The following COL4A6 variants were observed in gnomAD, a reference collection of about 807,000 sequenced individuals.
COL4A6 encodes collagen type IV alpha 6 chain, also known as collagen alpha-6(IV) chain.
COL4A6 carries 59 observed loss-of-function variants against 126.7 expected under a neutral mutation model. That is an observed-to-expected ratio of 0.47 (90% CI 0.38 to 0.58). The LOEUF (loss-of-function observed/expected upper bound fraction) is 0.58, where lower values mean the gene tolerates loss of function less well. Among genes scored for constraint, COL4A6 ranks in the 20% least tolerant of loss-of-function variants. The pLI is 0.00. For synonymous variants in COL4A6, 547 were observed against 496.6 expected (o/e 1.10, Z -1.35); for missense variants, 1,285 against 1,337.3 (o/e 0.96, Z 0.61).
At chrX:108,397,105 CAAG>C (rs1163251234) in intron 2 of COL4A6, among the ~76,000 whole-genome samples, 2 of 111,664 alleles carry the variant, frequency 1.8e-5, no homozygotes, top group African/African-American at 3.3e-5. Flanking sequence ...ACTCTTCAAC[CAAG>C]AAGATTTTCT....
At chrX:108,223,722 A>C (rs751196261) in intron 3 of COL4A6, among the ~76,000 whole-genome samples, 2 of 111,452 alleles carry the variant, frequency 1.8e-5, no homozygotes, top group South Asian at 7.7e-4. Context: ...AGTCATCAAG[A>C]AGCATTCAGG....
intron 2 of COL4A6, among the ~76,000 whole-genome samples, chrX:108,372,171 C>T (rs2040344042): frequency 9.0e-6 from 1 of 111,160 alleles, no homozygotes; most frequent in Non-Finnish European, 1.9e-5. Flanking sequence ...CAAAGAATGG[C>T]CCCTCTTTTC....
At chrX:108,406,606 G>A (rs1385293765) in intron 2 of COL4A6, among the ~76,000 whole-genome samples, 2 of 111,775 alleles carry the variant, frequency 1.8e-5, no homozygotes, top group Non-Finnish European at 3.8e-5. Flanking sequence ...TTCTTGCCCT[G>A]TTTACTTTTT....
rs141512302 is a variant in COL4A6, at chrX:108,414,369, T to C, written c.63+23573A>G. Among the ~76,000 whole-genome samples the C allele has an allele frequency of 9.7e-3, 1,078 of 111,524 alleles. 14 individuals carry two copies. The highest frequency in any genetic ancestry group is 0.033 in the African/African-American group (1,027 of 30,683). On this transcript the variant is annotated intron_variant, in intron 2 of 44. Coordinates refer to ENST00000334504, the MANE Select transcript of COL4A6 (RefSeq NM_033641.4). Reference sequence around the variant, plus strand: ...TCCTTGGCTATGAACTGTTGAAACCTAAATCTCCCAATATGGTTGTATTTC... The same window carrying C: ...TCCTTGGCTATGAACTGTTGAAACCCAAATCTCCCAATATGGTTGTATTTC...
At position 108,162,870 on chromosome X, in the gene COL4A6, C is replaced by A. The variant is rs764732582; in HGVS notation, c.4216+22G>T. 3 of 1,131,844 alleles carry A rather than the reference C, an allele frequency of 2.7e-6. No individual in the cohort carries two copies. The East Asian group carries it at 1.0e-4, about 38-fold the overall frequency. The allele number at this position is 1,131,844 out of a possible 1,213,427, so 93.3% of individuals were successfully genotyped here. ...CTGTCTCAACTCCCCAACAAATCTCCTTTTTCTGGCACCCTCCTCACCTTG... is the reference window on the plus strand; with the variant it reads ...CTGTCTCAACTCCCCAACAAATCTCATTTTTCTGGCACCCTCCTCACCTTG... On this transcript the variant is annotated intron_variant, in intron 41 of 44. Coordinates refer to ENST00000334504, the MANE Select transcript of COL4A6 (RefSeq NM_033641.4).
chrX:108,278,154 C>T (rs763808385), intron 3 of COL4A6, among the ~76,000 whole-genome samples: 115 of 112,302 alleles, frequency 1.0e-3, no homozygotes, highest in Non-Finnish European at 1.7e-3. Context: ...ATGCCTTTGA[C>T]GAGTTGAGAG....
chrX:108,186,347 AG>A (rs1602750804), intron 23 of COL4A6, among the ~76,000 whole-genome samples: 2 of 111,962 alleles, frequency 1.8e-5, no homozygotes, highest in African/African-American at 3.2e-5. Context: ...AGAGTTTAGT[AG>A]CAATAAGAGA....
intron 2 of COL4A6, among the ~76,000 whole-genome samples, chrX:108,435,439 T>C (rs1454587297): frequency 8.9e-6 from 1 of 112,016 alleles, no homozygotes; most frequent in East Asian, 2.8e-4. Context: ...ATGACCACCA[T>C]TGTCTGAGAA....
chrX:108,194,405 T>C, intron 16 of COL4A6, 129 bp downstream of exon 16: 2 of 634,878 alleles, frequency 3.2e-6, no homozygotes, highest in Non-Finnish European at 4.9e-6. Context: ...GCAGATTACA[T>C]GCATTTCTTA....
intron 6 of COL4A6, 186 bp downstream of exon 6, chrX:108,213,926 C>T (rs762892299): frequency 1.2e-5 from 5 of 432,762 alleles, no homozygotes; most frequent in Non-Finnish European, 2.0e-5. Flanking sequence ...GTGCACACCC[C>T]ACTGCAACTG....
At chrX:108,389,450 A>G (rs1007094704) in intron 2 of COL4A6, among the ~76,000 whole-genome samples, 45 of 111,292 alleles carry the variant, frequency 4.0e-4, no homozygotes, top group African/African-American at 1.3e-3. Flanking sequence ...TTTTGCATTG[A>G]TCCCTTTACC....
rs147616585 is a variant in COL4A6, at chrX:108,271,803, G to C, written c.144+38945C>G. Among the ~76,000 whole-genome samples the C allele has an allele frequency of 8.0e-5, 9 of 112,164 alleles. No individual in the cohort carries two copies. The East Asian group carries it at 2.5e-3, about 31-fold the overall frequency. On this transcript the variant is annotated intron_variant, in intron 3 of 44. Coordinates refer to ENST00000334504, the MANE Select transcript of COL4A6 (RefSeq NM_033641.4). ...GGAAGTTCTCTCTTTTACAGTGAGG[G>C]AGAAAGAAGCAAACTACTTTTAACT...
chrX:108,398,079 G>A (rs187122693), intron 2 of COL4A6, among the ~76,000 whole-genome samples: 62 of 112,157 alleles, frequency 5.5e-4, no homozygotes, highest in African/African-American at 1.9e-3. Flanking sequence ...ACACAAAGCC[G>A]TGAGCAATAT....
chrX:108,385,989 A>G (rs1202694222), intron 2 of COL4A6, among the ~76,000 whole-genome samples: 4 of 109,034 alleles, frequency 3.7e-5, no homozygotes, highest in African/African-American at 1.3e-4. Flanking sequence ...TGTCCTTGTG[A>G]TAGTTTCCTC....
intron 2 of COL4A6, among the ~76,000 whole-genome samples, chrX:108,341,781 G>A (rs931189995): frequency 6.3e-5 from 7 of 111,416 alleles, no homozygotes; most frequent in Non-Finnish European, 1.1e-4. Context: ...TCTTTCATTT[G>A]AGAATTGTAC....
chrX:108,194,905 T>G (rs1569345546), intron 15 of COL4A6, among the ~76,000 whole-genome samples, 177 bp downstream of exon 15: 1 of 111,719 alleles, frequency 9.0e-6, no homozygotes, highest in African/African-American at 3.3e-5. Flanking sequence ...TGACACTGGA[T>G]ACCCATGTTC....
intron 2 of COL4A6, among the ~76,000 whole-genome samples, chrX:108,376,746 GCT>G (rs1448173924): frequency 8.9e-6 from 1 of 112,811 alleles, no homozygotes; most frequent in Non-Finnish European, 1.9e-5. Context: ...TGCAATTATT[GCT>G]CTTTTTTTCT....
At position 108,162,879 on chromosome X, in the gene COL4A6, G is replaced by A. The variant is rs2034005661; in HGVS notation, c.4216+13C>T. 8.8e-7 allele frequency: 1 copy of A among 1,135,395 alleles called. No individual in the cohort carries two copies. The allele number at this position is 1,135,395 out of a possible 1,213,427, so 93.6% of individuals were successfully genotyped here. ...CTCCCCAACAAATCTCCTTTTTCTG[G>A]CACCCTCCTCACCTTGTAGGCCTAC... On this transcript the variant is annotated intron_variant, in intron 41 of 44. Coordinates refer to ENST00000334504, the MANE Select transcript of COL4A6 (RefSeq NM_033641.4).
Position 108,175,109 on chromosome X carries a change from A to T in COL4A6, c.2937T>A (p.Asn979Lys). Residue 979 changes from asparagine to lysine, a missense_variant, in exon 30 of 45, where the codon AAT becomes AAA. Asn to Lys is a moderately conservative substitution (Grantham distance 94). Coordinates refer to ENST00000334504, the MANE Select transcript of COL4A6 (RefSeq NM_033641.4). ...CAGCACCTCTTGGCCCAGGAAATCC[A>T]TTGGATCCGGCTGAGCCTTGAGAGC... ...DKGSQGSAGS[N>K]GFPGPRGDKG... 1 of 1,198,349 alleles carries T rather than the reference A, an allele frequency of 8.3e-7. No individual in the cohort carries two copies. Among genetic ancestry groups the T allele is most frequent in the Non-Finnish European group, 1.1e-6 (1 of 889,292 alleles).
Sources: gnomAD v4.1 joint callset for allele counts (sites outside exome capture counted in the v4.1 genomes callset) on GRCh38, gnomAD v4.1.1 for gene constraint, MANE v1.5 for transcripts, NCBI Gene and HGNC (gene_info 2026-07-23, HGNC 2026-07-21) for gene names.